Variants in GET4 observed in about 807,000 individuals in gnomAD.
GET4 encodes Golgi to ER traffic protein 4 homolog.
In GET4, 20 loss-of-function variants were observed where a neutral mutation model predicts 40.0. The observed-to-expected ratio is 0.50, with a 90% CI of 0.35 to 0.73. The LOEUF is 0.73. Ranked by LOEUF, GET4 falls within the 30% of genes least tolerant of loss-of-function variation. The probability of loss-of-function intolerance (pLI) is 0.01; values close to 1 mark genes in which losing one functional copy is unlikely to be tolerated. For synonymous variants in GET4, 280 were observed against 194.6 expected (o/e 1.44, Z -3.65); for missense variants, 557 against 454.0 (o/e 1.23, Z -2.06).
At chr7:894,824 T>C (rs1844437328) in intron 8 of GET4, among the ~76,000 whole-genome samples, 1 of 152,212 alleles carries the variant, frequency 6.6e-6, no homozygotes, top group African/African-American at 2.4e-5. Flanking sequence ...GCTTTGTACG[T>C]ACAGAGTAGT....
At chr7:892,182 G>A (rs913752881) in intron 5 of GET4, 96 bp from the exon 6 acceptor site, 27 of 1,290,388 alleles carry the variant, frequency 2.1e-5, no homozygotes, top group African/African-American at 8.8e-5. Context: ...AACCGTGGGC[G>A]CACGAGCTTG....
At chr7:894,609 C>A (rs1371704652) in intron 8 of GET4, among the ~76,000 whole-genome samples, 6 of 152,180 alleles carry the variant, frequency 3.9e-5, no homozygotes, top group Non-Finnish European at 8.8e-5. Flanking sequence ...TCCACCCCAA[C>A]ACCCGTCAGG....
chr7:894,232 C>A (rs1466353885), intron 8 of GET4, among the ~76,000 whole-genome samples: 1 of 152,084 alleles, frequency 6.6e-6, no homozygotes, highest in Non-Finnish European at 1.5e-5. Flanking sequence ...GATCACATCA[C>A]GTGGCTGGCT....
chr7:882,598 CGGCCG>C (rs1562893142), intron 1 of GET4: 47 of 150,564 alleles, frequency 3.1e-4, no homozygotes, highest in African/African-American at 1.1e-3. Flanking sequence ...GGGTTGTGGG[CGGCCG>C]ACCTTGCCCC....
At chr7:890,870 T>G (rs1027914528) in intron 4 of GET4, 58 bp from the exon 5 acceptor site, 227 of 1,358,370 alleles carry the variant, frequency 1.7e-4, no homozygotes, top group Admixed American at 8.4e-5. Context: ...TTTCCCCCTT[T>G]CCTTTTCTGT....
chr7:878,285 A>AT lies in GET4; in HGVS notation c.155+1490dup, dbSNP rs1562891391. The AT allele has an allele frequency of 6.4e-6, 3 of 470,904 alleles. No individual in the cohort carries two copies. In the Admixed American group the frequency reaches 7.0e-5, roughly 11 times the overall value. 29.2% of individuals were successfully genotyped at this position (470,904 alleles called of 1,614,324 possible). A position where few individuals can be genotyped will look rare whatever the true frequency, so the allele number is the denominator to read the frequency against. ...GTCTTCAGGACTGCTCTGTTCCAGT[A>AT]TTTTTGCTGTCATACAGTTACTGCA... On this transcript the variant is annotated intron_variant, in intron 1 of 8. Transcript: ENST00000265857.
At chr7:895,156 T>C (rs1008007049) in intron 8 of GET4, among the ~76,000 whole-genome samples, 178 bp from the exon 9 acceptor site, 6 of 151,570 alleles carry the variant, frequency 4.0e-5, no homozygotes, top group African/African-American at 7.3e-5. Flanking sequence ...GGTCGTCGGC[T>C]CCCTGGCCTC....
Position 886,721 on chromosome 7 carries a change from G to A in GET4, c.316+71G>A, listed in dbSNP as rs574554206. On this transcript the variant is annotated intron_variant, in intron 3 of 8. Transcript: ENST00000265857. Reference sequence around the variant, plus strand: ...AGTACGCCCCTCCCCGGGTCTCTGCGCTGTGTTTCGTGTCTGCGTTTGGGG... The same window carrying A: ...AGTACGCCCCTCCCCGGGTCTCTGCACTGTGTTTCGTGTCTGCGTTTGGGG... 114 of 997,022 alleles carry A rather than the reference G, an allele frequency of 1.1e-4. 2 individuals carry two copies. The East Asian group carries it at 1.6e-3, about 14-fold the overall frequency. 61.8% of individuals were successfully genotyped at this position (997,022 alleles called of 1,614,324 possible).
intron 4 of GET4, 63 bp from the exon 5 acceptor site, chr7:890,865 C>T: frequency 7.7e-7 from 1 of 1,304,002 alleles, no homozygotes; most frequent in Non-Finnish European, 1.1e-6. Flanking sequence ...GTGTCTTTCC[C>T]CCTTTCCTTT....
intron 1 of GET4, chr7:878,084 C>G (rs954077817): frequency 1.5e-5 from 5 of 328,916 alleles, no homozygotes; most frequent in South Asian, 9.1e-5. Context: ...TCTGTTGACG[C>G]CGCCCGGCCT....
At chr7:894,402 G>A (rs564680792) in intron 8 of GET4, among the ~76,000 whole-genome samples, 82 of 152,296 alleles carry the variant, frequency 5.4e-4, no homozygotes, top group Non-Finnish European at 6.9e-4. Flanking sequence ...TCGTGGCACC[G>A]CGGGAGAGGC....
intron 4 of GET4, among the ~76,000 whole-genome samples, chr7:889,219 C>T (rs1442133729): frequency 3.3e-5 from 5 of 152,256 alleles, no homozygotes; most frequent in Admixed American, 2.0e-4. Flanking sequence ...GGGGTAGGTG[C>T]GGGCCCAGGT....
chr7:891,893 A>G (rs1844331147), intron 5 of GET4, among the ~76,000 whole-genome samples: 1 of 152,212 alleles, frequency 6.6e-6, no homozygotes, highest in South Asian at 2.1e-4. Flanking sequence ...GGGTCCTCGA[A>G]CAGAAGCCAG....
At chr7:895,208 C>T (rs1844450351) in intron 8 of GET4, 126 bp from the exon 9 acceptor site, 17 of 576,090 alleles carry the variant, frequency 3.0e-5, no homozygotes, top group Non-Finnish European at 3.9e-5. Flanking sequence ...TAGACAGTAG[C>T]GATGTGAGGC....
At chr7:892,822 A>G (rs1844359157) in intron 6 of GET4, among the ~76,000 whole-genome samples, 1 of 146,428 alleles carries the variant, frequency 6.8e-6, no homozygotes, top group Non-Finnish European at 1.5e-5. Context: ...TAGACGGCGT[A>G]TGTGCAGGTG....
intron 5 of GET4, 84 bp from the exon 6 acceptor site, chr7:892,194 G>A (rs1381850564): frequency 2.1e-6 from 3 of 1,436,654 alleles, no homozygotes; most frequent in Non-Finnish European, 2.9e-6. Flanking sequence ...ACGAGCTTGG[G>A]AAGGACATGT....
intron 1 of GET4, chr7:885,727 T>TTCCCTGC (rs911326034): frequency 1.4e-5 from 4 of 288,890 alleles, no homozygotes; most frequent in Admixed American, 4.9e-5. Context: ...CCCCTGCTCC[T>TTCCCTGC]TCCCTGCGCA....
At chr7:878,298 TAC>T in intron 1 of GET4, 1 of 471,178 alleles carries the variant, frequency 2.1e-6, no homozygotes, top group South Asian at 1.5e-5. Context: ...TTTGCTGTCA[TAC>T]AGTTACTGCA....
At chr7:890,330 C>T (rs10237124) in intron 4 of GET4, among the ~76,000 whole-genome samples, 13 of 23,138 alleles carry the variant, frequency 5.6e-4, no homozygotes, top group Middle Eastern at 0.029. Flanking sequence ...GAGCGGGTGT[C>T]AGGACGGGGT....
Sources: gnomAD v4.1 joint callset for allele counts (sites outside exome capture counted in the v4.1 genomes callset) on GRCh38, gnomAD v4.1.1 for gene constraint, MANE v1.5 for transcripts, NCBI Gene and HGNC (gene_info 2026-07-23, HGNC 2026-07-21) for gene names.